SUPT3H: variants seen among roughly 807,000 people sequenced by gnomAD.
The protein encoded by SUPT3H is SPT3 homolog, SAGA and STAGA complex component, also known as transcription initiation protein SPT3 homolog.
Under a neutral mutation model 44.3 loss-of-function variants are expected in SUPT3H, and 44 were observed. The ratio of observed to expected loss-of-function variants is 0.99; its 90% confidence interval spans 0.78 to 1.28. The LOEUF (loss-of-function observed/expected upper bound fraction) is 1.28, where lower values mean the gene tolerates loss of function less well. Ranked by LOEUF, SUPT3H falls within the 50% of genes most tolerant of loss-of-function variation. The pLI, the probability that SUPT3H is intolerant of heterozygous loss-of-function variation, is 0.00. For synonymous variants in SUPT3H, 124 were observed against 125.6 expected (o/e 0.99, Z 0.09); for missense variants, 380 against 387.1 (o/e 0.98, Z 0.15).
intron 4 of SUPT3H, among the ~76,000 whole-genome samples, chr6:45,016,489 C>T (rs1784299188): frequency 1.0e-5 from 1 of 100,282 alleles, no homozygotes; most frequent in East Asian, 3.7e-4. Context: ...GCTAACCCTC[C>T]CCCCTCCCCC....
chr6:45,080,097 A>G (rs1467870872), intron 3 of SUPT3H, among the ~76,000 whole-genome samples: 1 of 152,186 alleles, frequency 6.6e-6, no homozygotes, highest in Non-Finnish European at 1.5e-5. Flanking sequence ...CAAACAATTC[A>G]ATAGGAAAAA....
intron 3 of SUPT3H, among the ~76,000 whole-genome samples, chr6:45,052,746 C>T (rs1244672196): frequency 2.0e-5 from 3 of 152,190 alleles, no homozygotes; most frequent in African/African-American, 4.8e-5. Context: ...CTGGACACTA[C>T]ACCAGAGGCT....
intron 2 of SUPT3H, among the ~76,000 whole-genome samples, chr6:45,309,151 T>C (rs1783577704): frequency 1.4e-5 from 2 of 141,388 alleles, no homozygotes; most frequent in South Asian, 4.3e-4. Flanking sequence ...AATAGATGTC[T>C]AAATATTTAG....
chr6:44,927,590 T>C (rs1035390460), intron 10 of SUPT3H, among the ~76,000 whole-genome samples: 2 of 152,236 alleles, frequency 1.3e-5, no homozygotes, highest in Non-Finnish European at 2.9e-5. Flanking sequence ...AGAGCTAGTA[T>C]GCAAAACCTA....
chr6:45,314,197 G>T (rs1784379265), intron 2 of SUPT3H, among the ~76,000 whole-genome samples: 1 of 151,990 alleles, frequency 6.6e-6, no homozygotes, highest in Non-Finnish European at 1.5e-5. Flanking sequence ...TACTGAATGG[G>T]GAAAACTTGA....
chr6:45,111,387 T>G (rs1262255922), intron 2 of SUPT3H, among the ~76,000 whole-genome samples: 2 of 152,056 alleles, frequency 1.3e-5, no homozygotes, highest in Non-Finnish European at 2.9e-5. Context: ...TCTTTTTGCA[T>G]TCACTAACAT....
chr6:44,909,138 T>C (rs893476061), intron 10 of SUPT3H, among the ~76,000 whole-genome samples: 11 of 88,278 alleles, frequency 1.2e-4, no homozygotes, highest in South Asian at 5.4e-4. Context: ...TGTGTGTGTG[T>C]GTGCGTGTGT....
At chr6:45,092,033 A>T (rs1384869457) in intron 3 of SUPT3H, among the ~76,000 whole-genome samples, 1 of 152,230 alleles carries the variant, frequency 6.6e-6, no homozygotes, top group South Asian at 2.1e-4. Flanking sequence ...CATACTTTAC[A>T]TTATATATTT....
At chr6:45,258,605 A>T (rs1409102133) in intron 2 of SUPT3H, among the ~76,000 whole-genome samples, 1 of 152,216 alleles carries the variant, frequency 6.6e-6, no homozygotes, top group Non-Finnish European at 1.5e-5. Context: ...GAGTAAATGG[A>T]TAATTACAAG....
At chr6:45,320,053 T>C (rs1446464333) in intron 2 of SUPT3H, among the ~76,000 whole-genome samples, 1 of 152,130 alleles carries the variant, frequency 6.6e-6, no homozygotes, top group Non-Finnish European at 1.5e-5. Flanking sequence ...ATAATGATTA[T>C]ATGATCAAGA....
chr6:45,102,063 G>A (rs1798652364), intron 3 of SUPT3H, among the ~76,000 whole-genome samples: 1 of 151,802 alleles, frequency 6.6e-6, no homozygotes, highest in Admixed American at 6.6e-5. Flanking sequence ...TTTTAGTTAT[G>A]GTTATAAGAC....
intron 2 of SUPT3H, among the ~76,000 whole-genome samples, chr6:45,360,919 T>C (rs1451012886): frequency 6.6e-6 from 1 of 152,198 alleles, no homozygotes; most frequent in East Asian, 1.9e-4. Flanking sequence ...TCTCCTTCTC[T>C]ACTGCTAGAC....
At chr6:45,175,040 A>AT (rs1811483253) in intron 2 of SUPT3H, among the ~76,000 whole-genome samples, 1 of 142,588 alleles carries the variant, frequency 7.0e-6, no homozygotes, top group Admixed American at 7.0e-5. Context: ...AAAAAAAAAA[A>AT]TTAAAAAAAT....
chr6:45,365,242 T>C lies in SUPT3H; in HGVS notation c.60A>G (p.Thr20=). 1 of 1,612,714 alleles carries C rather than the reference T, an allele frequency of 6.2e-7. No individual in the cohort carries two copies. The change falls in exon 2 of 11, where the codon ACA becomes ACG. Residue 20 remains threonine, a synonymous_variant. Transcript: ENST00000371459. ...STATSSSGRS[T]GKSISFATEL... ...CTGTTGCAAAGCTTATAGACTTCCC[T>C]GTACTCCTTCCACTACTTGAAGTTG...
chr6:45,295,125 A>G (rs1269441627), intron 2 of SUPT3H, among the ~76,000 whole-genome samples: 1 of 152,210 alleles, frequency 6.6e-6, no homozygotes, highest in Non-Finnish European at 1.5e-5. Flanking sequence ...TCACCAAAAC[A>G]GCGTGGTACT....
chr6:45,173,064 A>T (rs1811092602), intron 2 of SUPT3H, among the ~76,000 whole-genome samples: 1 of 152,214 alleles, frequency 6.6e-6, no homozygotes, highest in Admixed American at 6.5e-5. Context: ...TGGAGAAGGT[A>T]CATACAAATA....
intron 11 of SUPT3H, among the ~76,000 whole-genome samples, chr6:44,820,159 C>T (rs770220532): frequency 3.9e-5 from 6 of 152,034 alleles, no homozygotes; most frequent in African/African-American, 1.5e-4. Flanking sequence ...GCAGGGGTTG[C>T]GGTGAGCCAG....
rs1006840092 is a variant in SUPT3H at position 45,358,662 on chromosome 6, T to A, written c.101+6539A>T. 2.0e-5 allele frequency among the ~76,000 whole-genome samples: 3 copies of A among 152,170 alleles called. No homozygotes were observed. In the East Asian group the frequency reaches 5.8e-4, roughly 29 times the overall value. Reference sequence around the variant, plus strand: ...TCATTTAATCTTCGTACTAACCCTGTGAGGTAGATACAGGTTCACAGTCTC... The same window carrying A: ...TCATTTAATCTTCGTACTAACCCTGAGAGGTAGATACAGGTTCACAGTCTC... On this transcript the variant is annotated intron_variant, in intron 2 of 10. Transcript: ENST00000371459.
chr6:44,908,935 T>G (rs369752915), intron 10 of SUPT3H, among the ~76,000 whole-genome samples: 9 of 152,164 alleles, frequency 5.9e-5, no homozygotes, highest in African/African-American at 1.7e-4. Flanking sequence ...CATAGGGAAA[T>G]ATTAAATAAT....
Sources: allele counts gnomAD v4.1 joint callset (sites outside exome capture counted in the v4.1 genomes callset), GRCh38; gene constraint gnomAD v4.1.1; transcripts MANE v1.5; gene names NCBI Gene and HGNC (gene_info 2026-07-23, HGNC 2026-07-21).